The following PRELID2 variants were observed in gnomAD, a reference collection of about 807,000 sequenced individuals.
PRELID2 encodes the protein PRELI domain-containing protein 2.
PRELID2 carries 25 observed loss-of-function variants against 28.4 expected under a neutral mutation model. The observed-to-expected ratio is 0.88, with a 90% CI of 0.64 to 1.23. PRELID2 has a LOEUF of 1.23. Ranked by LOEUF, PRELID2 falls within the 50% of genes most tolerant of loss-of-function variation. The pLI is 0.00. For missense variants in PRELID2, 201 were observed against 214.4 expected, an observed-to-expected ratio of 0.94 and a Z score of 0.39; for synonymous variants, 76 against 71.6, an observed-to-expected ratio of 1.06 and a Z score of -0.31.
downstream of PRELID2, among the ~76,000 whole-genome samples, chr5:145,467,126 T>C (rs1752009681): frequency 6.6e-6 from 1 of 152,174 alleles, no homozygotes; most frequent in African/African-American, 2.4e-5. Context: ...CATTAAAACA[T>C]ACTTCACAGT....
the PRELID2 span, among the ~76,000 whole-genome samples, chr5:145,351,249 C>T: frequency 2.6e-5 from 4 of 152,092 alleles, no homozygotes; most frequent in Non-Finnish European, 5.9e-5. Flanking sequence ...AAGAAATACC[C>T]AAAACTGGGT....
chr5:145,544,212 T>C (rs1296833974), intron 1 of PRELID2, among the ~76,000 whole-genome samples: 3 of 151,942 alleles, frequency 2.0e-5, no homozygotes. Context: ...TAAGGACCCA[T>C]TAAGTACATG....
chr5:145,797,054 G>A (rs80277358), intron 4 of PRELID2, among the ~76,000 whole-genome samples: 2,100 of 152,198 alleles, frequency 0.014, 44 homozygotes, highest in African/African-American at 0.048. Context: ...TTCAATCCTC[G>A]ATTGGAGAAG....
Position 145,819,957 on chromosome 5 carries a change from T to C in PRELID2, c.195A>G (p.Glu65=). The part of the protein sequence containing the change: ...RIAICQNVVP[E]ILRKVSILKV... ...AAAATGAACTTACCTTCCTTAAAAT[T>C]TCTGGAACCACGTTCTGACAGATTG... The change falls in exon 3 of 7, where the codon GAA becomes GAG. Residue 65 remains glutamate, a synonymous_variant. Transcript: ENST00000683046. 1 of 1,602,240 alleles carries C rather than the reference T, an allele frequency of 6.2e-7. No homozygotes were observed. Among genetic ancestry groups the C allele is most frequent in the African/African-American group, 1.3e-5 (1 of 74,742 alleles).
chr5:145,435,706 T>A, the PRELID2 span, among the ~76,000 whole-genome samples: 1 of 152,180 alleles, frequency 6.6e-6, no homozygotes, highest in Non-Finnish European at 1.5e-5. Flanking sequence ...ATAAAGGGAC[T>A]TTATAATATT....
At chr5:145,296,240 T>C in the PRELID2 span, among the ~76,000 whole-genome samples, 1 of 151,976 alleles carries the variant, frequency 6.6e-6, no homozygotes, top group African/African-American at 2.4e-5. Context: ...GTGCACAATG[T>C]GCAGGTTAGT....
intron 1 of PRELID2, among the ~76,000 whole-genome samples, chr5:145,661,947 A>G (rs1232125434): frequency 6.6e-6 from 1 of 152,148 alleles, no homozygotes; most frequent in African/African-American, 2.4e-5. Flanking sequence ...TGGCCAAAGG[A>G]GAGATGAGCA....
At chr5:145,344,691 C>A in the PRELID2 span, among the ~76,000 whole-genome samples, 1 of 152,024 alleles carries the variant, frequency 6.6e-6, no homozygotes, top group South Asian at 2.1e-4. Context: ...GATGCTCCTG[C>A]CAAGCTGAGT....
chr5:145,237,946 A>C, the PRELID2 span, among the ~76,000 whole-genome samples: 3 of 152,106 alleles, frequency 2.0e-5, no homozygotes, highest in Non-Finnish European at 4.4e-5. Context: ...GGGTATTTTC[A>C]CAGAACCCCA....
chr5:145,686,437 T>A (rs866524705), intron 1 of PRELID2, among the ~76,000 whole-genome samples: 1 of 152,050 alleles, frequency 6.6e-6, no homozygotes, highest in Non-Finnish European at 1.5e-5. Context: ...AGCCCCACCA[T>A]GCCCTTAGCA....
At chr5:145,656,900 A>AT (rs1754406020) in intron 1 of PRELID2, among the ~76,000 whole-genome samples, 1 of 152,186 alleles carries the variant, frequency 6.6e-6, no homozygotes, top group Non-Finnish European at 1.5e-5. Flanking sequence ...TTAAAGTATG[A>AT]TAAAAAATAA....
At chr5:145,803,403 TCA>T (rs150866010) in intron 4 of PRELID2, among the ~76,000 whole-genome samples, 269 of 150,616 alleles carry the variant, frequency 1.8e-3, no homozygotes, top group African/African-American at 5.4e-3. Flanking sequence ...ACGTGTAAAA[TCA>T]CACACACACA....
chr5:145,565,557 A>G (rs1414056397), intron 1 of PRELID2, among the ~76,000 whole-genome samples: 1 of 152,240 alleles, frequency 6.6e-6, no homozygotes. Context: ...AAGCTTGGTC[A>G]CTTGTAGTCA....
intron 1 of PRELID2, among the ~76,000 whole-genome samples, chr5:145,534,622 AC>A (rs1455524799): frequency 2.6e-5 from 4 of 152,024 alleles, no homozygotes; most frequent in African/African-American, 9.7e-5. Flanking sequence ...TCACAAAATG[AC>A]AAGTAATTAA....
At chr5:145,262,637 C>T in the PRELID2 span, among the ~76,000 whole-genome samples, 122 of 152,024 alleles carry the variant, frequency 8.0e-4, no homozygotes, top group Non-Finnish European at 1.3e-3. Context: ...CAGACATATG[C>T]TGAGGGAATT....
At position 145,728,423 on chromosome 5, in the gene PRELID2, G is replaced by C. The variant is rs1258062765; in HGVS notation, n.70+36508C>G. 5.5e-6 allele frequency: 3 copies of C among 548,758 alleles called. No homozygotes were observed. The African/African-American group carries it at 5.6e-5, about 10-fold the overall frequency. 34.0% of individuals were successfully genotyped at this position (548,758 alleles called of 1,614,324 possible). ...TCAGAAATCCACACTTCAAGCTTCA[G>C]CAAGAGACAAAACAGGGACCCCGGA... On this transcript the variant is annotated intron_variant and non_coding_transcript_variant, in intron 1 of 2. Transcript: ENST00000510259.
At chr5:145,447,353 G>A in the PRELID2 span, among the ~76,000 whole-genome samples, 4 of 151,226 alleles carry the variant, frequency 2.6e-5, no homozygotes, top group African/African-American at 7.3e-5. Flanking sequence ...TTTCTTCTCC[G>A]TTACATGAAA....
At chr5:145,612,886 A>G (rs1451728965) in intron 1 of PRELID2, among the ~76,000 whole-genome samples, 1 of 152,098 alleles carries the variant, frequency 6.6e-6, no homozygotes, top group Non-Finnish European at 1.5e-5. Context: ...TGGTTCCATG[A>G]TTTTACAATT....
At chr5:145,807,250 G>A (rs1753577250) in intron 4 of PRELID2, among the ~76,000 whole-genome samples, 1 of 152,058 alleles carries the variant, frequency 6.6e-6, no homozygotes, top group Admixed American at 6.5e-5. Context: ...AGGCAGTGTT[G>A]GACTGTATCT....
Sources: gnomAD v4.1 joint callset for allele counts (sites outside exome capture counted in the v4.1 genomes callset) on GRCh38, gnomAD v4.1.1 for gene constraint, MANE v1.5 for transcripts, NCBI Gene and HGNC (gene_info 2026-07-23, HGNC 2026-07-21) for gene names.